Variants in SOS2 observed in about 807,000 individuals in gnomAD.
The protein encoded by SOS2 is SOS Ras/Rho guanine nucleotide exchange factor 2.
Under a neutral mutation model 148.2 loss-of-function variants are expected in SOS2, and 65 were observed. That is an observed-to-expected ratio of 0.44 (90% CI 0.36 to 0.54). The LOEUF is 0.54. SOS2 is among the 20% of genes least tolerant of loss of function. The probability of loss-of-function intolerance (pLI) is 0.00; values close to 1 mark genes in which losing one functional copy is unlikely to be tolerated. For missense variants in SOS2, 1,341 were observed against 1,590.2 expected (o/e 0.84, Z 2.67); for synonymous variants, 539 against 537.1 (o/e 1.00, Z -0.05).
At chr14:50,228,105 G>C (rs927766737) in intron 1 of SOS2, among the ~76,000 whole-genome samples, 2 of 146,670 alleles carry the variant, frequency 1.4e-5, no homozygotes, top group Non-Finnish European at 3.0e-5. Flanking sequence ...GCAGTGGTGT[G>C]ATCTCGGCTC....
intron 1 of SOS2, among the ~76,000 whole-genome samples, chr14:50,220,643 C>T (rs1179049522): frequency 6.6e-6 from 1 of 152,032 alleles, no homozygotes; most frequent in East Asian, 1.9e-4. Flanking sequence ...CTATTCCTCC[C>T]ACTGTCCATT....
intron 1 of SOS2, among the ~76,000 whole-genome samples, chr14:50,216,756 A>G (rs1040591238): frequency 4.9e-5 from 7 of 142,334 alleles, no homozygotes; most frequent in Admixed American, 2.8e-4. Context: ...ACAAAATACA[A>G]TAAACATGAA....
intron 8 of SOS2, among the ~76,000 whole-genome samples, chr14:50,164,659 G>T (rs752600088): frequency 2.0e-5 from 3 of 150,960 alleles, no homozygotes; most frequent in Non-Finnish European, 3.0e-5. Flanking sequence ...AAAAAGAAAA[G>T]AAAAATTACT....
intron 5 of SOS2, 119 bp downstream of exon 5, chr14:50,188,378 A>G (rs1377169941): frequency 2.9e-6 from 2 of 690,628 alleles, no homozygotes; most frequent in African/African-American, 1.8e-5. Context: ...ACTGCACTCC[A>G]GCCTGGGCAA....
chr14:50,201,195 C>A, intron 2 of SOS2, 111 bp from the exon 3 acceptor site: 2 of 987,382 alleles, frequency 2.0e-6, no homozygotes, highest in South Asian at 1.6e-5. Context: ...ATAATAGTGA[C>A]ACAATACATT....
At chr14:50,163,494 T>A (rs1182343491) in intron 8 of SOS2, among the ~76,000 whole-genome samples, 1 of 152,106 alleles carries the variant, frequency 6.6e-6, no homozygotes, top group African/African-American at 2.4e-5. Flanking sequence ...CATGTAGAGG[T>A]CTTGTCATCA....
chr14:50,192,143 CAAAAAAAAAAAAAAA>C (rs201836422), intron 4 of SOS2, among the ~76,000 whole-genome samples: 5 of 118,908 alleles, frequency 4.2e-5, no homozygotes, highest in South Asian at 3.0e-4. Context: ...GTCCTTGTCA[CAAAAAAAAAAAAAAA>C]AAAAAAAAAA....
intron 18 of SOS2, among the ~76,000 whole-genome samples, chr14:50,136,741 C>T (rs1884093880): frequency 6.6e-6 from 1 of 152,090 alleles, no homozygotes; most frequent in Non-Finnish European, 1.5e-5. Flanking sequence ...AAGCACGTGC[C>T]ACCACACCCA....
intron 8 of SOS2, among the ~76,000 whole-genome samples, chr14:50,167,737 G>A (rs374611051): frequency 1.3e-5 from 2 of 151,842 alleles, no homozygotes; most frequent in East Asian, 1.9e-4. Flanking sequence ...TGGCGTGGTG[G>A]TGTGCACCTG....
At position 50,130,103 on chromosome 14, in the gene SOS2, TATC is replaced by T. The variant is rs754653630; in HGVS notation, c.3338-104_3338-102del. ...ATACGTAATACACAGTGCAGAATTT[TATC>T]ATCATCTTTTGCCATGTTAGTTTTT... On this transcript the variant is annotated intron_variant, in intron 20 of 22. Transcript: ENST00000216373. 16 of 692,686 alleles carry T rather than the reference TATC, an allele frequency of 2.3e-5. No individual in the cohort carries two copies. The Admixed American group carries it at 2.7e-4, about 11-fold the overall frequency. The allele number at this position is 692,686 out of a possible 1,614,324, so 42.9% of individuals were successfully genotyped here.
chr14:50,169,312 T>C (rs1885281673), intron 8 of SOS2, among the ~76,000 whole-genome samples: 1 of 128,560 alleles, frequency 7.8e-6, no homozygotes, highest in Admixed American at 8.7e-5. Context: ...TGGGACTCCA[T>C]CTCAAAAAAA....
chr14:50,203,214 A>G (rs903501924), intron 2 of SOS2, among the ~76,000 whole-genome samples: 5 of 152,064 alleles, frequency 3.3e-5, no homozygotes, highest in Non-Finnish European at 7.4e-5. Context: ...TAATTTTTGA[A>G]AATATAAAAA....
intron 11 of SOS2, among the ~76,000 whole-genome samples, chr14:50,158,260 A>G (rs1884880980): frequency 6.6e-6 from 1 of 152,140 alleles, no homozygotes; most frequent in African/African-American, 2.4e-5. Context: ...TAAGTAGAAA[A>G]GTCTCTTTTA....
intron 4 of SOS2, among the ~76,000 whole-genome samples, chr14:50,197,798 C>T (rs1438524640): frequency 3.3e-5 from 5 of 150,368 alleles, no homozygotes; most frequent in Non-Finnish European, 7.4e-5. Context: ...AAATGATTCT[C>T]GTGCCTCAGC....
At chr14:50,149,545 T>A (rs1884597369) in intron 14 of SOS2, among the ~76,000 whole-genome samples, 1 of 152,056 alleles carries the variant, frequency 6.6e-6, no homozygotes, top group Admixed American at 6.6e-5. Flanking sequence ...AGAAAAAGTT[T>A]TTGATGGAAT....
chr14:50,206,607 G>C (rs1886666336), intron 1 of SOS2, among the ~76,000 whole-genome samples: 1 of 152,152 alleles, frequency 6.6e-6, no homozygotes, highest in Non-Finnish European at 1.5e-5. Flanking sequence ...GTTGATCTGA[G>C]GTTGGCTGAA....
chr14:50,151,721 A>C (rs1419844868), intron 13 of SOS2, among the ~76,000 whole-genome samples: 1 of 152,020 alleles, frequency 6.6e-6, no homozygotes, highest in Non-Finnish European at 1.5e-5. Context: ...TTAGAATATA[A>C]ATTTTTGTTT....
chr14:50,227,559 G>A (rs564906876), intron 1 of SOS2, among the ~76,000 whole-genome samples: 154 of 152,018 alleles, frequency 1.0e-3, no homozygotes, highest in Non-Finnish European at 1.8e-3. Context: ...GACTACAGGC[G>A]TCCGCCACCA....
At chr14:50,186,438 T>C (rs1422757440) in intron 5 of SOS2, among the ~76,000 whole-genome samples, 1 of 152,048 alleles carries the variant, frequency 6.6e-6, no homozygotes, top group African/African-American at 2.4e-5. Flanking sequence ...TATAACGTGG[T>C]AGAAAAGAAG....
Sources: gnomAD v4.1 joint callset for allele counts (sites outside exome capture counted in the v4.1 genomes callset) on GRCh38, gnomAD v4.1.1 for gene constraint, MANE v1.5 for transcripts, NCBI Gene and HGNC (gene_info 2026-07-23, HGNC 2026-07-21) for gene names.